SPTY2D1: variants seen among roughly 807,000 people sequenced by gnomAD.
SPTY2D1 encodes the protein protein SPT2 homolog.
SPTY2D1 carries 21 observed loss-of-function variants against 64.0 expected under a neutral mutation model. The observed-to-expected ratio is 0.33, with a 90% CI of 0.23 to 0.47. The LOEUF is 0.47. SPTY2D1 is among the 20% of genes least tolerant of loss of function. The probability of loss-of-function intolerance (pLI) is 1.00; values close to 1 mark genes in which losing one functional copy is unlikely to be tolerated. For synonymous variants in SPTY2D1, 287 were observed against 286.8 expected (o/e 1.00, Z -0.01); for missense variants, 724 against 837.2 (o/e 0.86, Z 1.67).
At chr11:18,626,248 A>G (rs1590405462) in intron 1 of SPTY2D1, among the ~76,000 whole-genome samples, 1 of 152,250 alleles carries the variant, frequency 6.6e-6, no homozygotes, top group South Asian at 2.1e-4. Flanking sequence ...CCAAACTTCT[A>G]TCTTATCCTC....
chr11:18,622,984 C>A (rs1425137935), intron 1 of SPTY2D1, among the ~76,000 whole-genome samples: 1 of 152,066 alleles, frequency 6.6e-6, no homozygotes, highest in East Asian at 1.9e-4. Context: ...ACAACAACAA[C>A]AACAACAACA....
rs1489993660 is a variant in SPTY2D1 at position 18,614,744 on chromosome 11, G to T, written c.1530C>A (p.Val510=). ...CCAAGCTGCTCACTGGTCTTCCTGGGACTGAATTACTGACAGTCCGTCCAG... is the reference window on the plus strand; with the variant it reads ...CCAAGCTGCTCACTGGTCTTCCTGGTACTGAATTACTGACAGTCCGTCCAG... The part of the protein sequence containing the change: ...IPAGRTVSNS[V]PGRPVSSLGP... The change falls in exon 3 of 6, where the codon GTC becomes GTA. Residue 510 remains valine, a synonymous_variant. Coordinates refer to ENST00000336349, the MANE Select transcript of SPTY2D1 (RefSeq NM_194285.3). 1 of 1,613,892 alleles carries T rather than the reference G, an allele frequency of 6.2e-7. No individual in the cohort carries two copies. The highest frequency in any genetic ancestry group is 1.7e-5 in the Admixed American group (1 of 60,010).
Position 18,614,841 on chromosome 11 carries a change from G to A in SPTY2D1, c.1433C>T (p.Pro478Leu). 6.2e-7 allele frequency: 1 copy of A among 1,613,668 alleles called. No homozygotes were observed. Among genetic ancestry groups the A allele is most frequent in the Non-Finnish European group, 8.5e-7 (1 of 1,179,750 alleles). Reference protein sequence around the residue: ...PVSSPHELRRPVSGLGPPGRS... With the variant: ...PVSSPHELRRLVSGLGPPGRS... Reference sequence around the variant, plus strand: ...CCCCGGGGGGCCCAAGCCACTCACTGGTCGTCGAAGTTCATGTGGACTGCT... The same window carrying A: ...CCCCGGGGGGCCCAAGCCACTCACTAGTCGTCGAAGTTCATGTGGACTGCT... The change falls in exon 3 of 6, where the codon CCA becomes CTA. Residue 478 changes from proline to leucine, a missense_variant. Pro to Leu is a moderately conservative substitution (Grantham distance 98, BLOSUM62 -3). Transcript: ENST00000336349.
rs1854139262 is a variant in SPTY2D1 at position 18,608,185 on chromosome 11, TAC to T, written c.*1674_*1675del. On this transcript the variant is annotated 3_prime_UTR_variant, in exon 6 of 6. Transcript: ENST00000336349. ...CCATTGTAACAGTTCTATATGTAGT[TAC>T]AAAGGGTGTTATTCCTAGTGATGAT... 6.6e-6 allele frequency: 1 copy of T among 152,614 alleles called. No individual in the cohort carries two copies. Among genetic ancestry groups the T allele is most frequent in the African/African-American group, 2.4e-5 (1 of 41,446 alleles). 9.5% of individuals were successfully genotyped at this position (152,614 alleles called of 1,614,324 possible).
In SPTY2D1 at chr11:18,611,158, G is replaced by C. The variant is rs530769562; in HGVS notation, c.1964+319C>G. On this transcript the variant is annotated intron_variant, in intron 5 of 5. Transcript: ENST00000336349. ...AAACAAAACAAACAAAAAAAACAGT[G>C]ATGGTCCAGTGCAGTGGCTCATGCC... 2.6e-5 allele frequency among the ~76,000 whole-genome samples: 4 copies of C among 152,184 alleles called. No homozygotes were observed. The East Asian group carries it at 7.7e-4, about 29-fold the overall frequency.
In SPTY2D1 at chr11:18,606,814, C is replaced by T. The variant is rs1355937266; in HGVS notation, c.*3047G>A. 3 of 370,056 alleles carry T rather than the reference C, an allele frequency of 8.1e-6. No homozygotes were observed. Among genetic ancestry groups the T allele is most frequent in the Non-Finnish European group, 1.5e-5 (3 of 196,456 alleles). 22.9% of individuals were successfully genotyped at this position (370,056 alleles called of 1,614,324 possible). On this transcript the variant is annotated 3_prime_UTR_variant, in exon 6 of 6. Coordinates refer to ENST00000336349, the MANE Select transcript of SPTY2D1 (RefSeq NM_194285.3). Reference sequence around the variant, plus strand: ...CAAAATACAAAACAACAATTTATTTCTTGGAGAAAATCTTGGGGATTACAT... The same window carrying T: ...CAAAATACAAAACAACAATTTATTTTTTGGAGAAAATCTTGGGGATTACAT...
rs1376068623 is a variant in SPTY2D1 at position 18,615,241 on chromosome 11, G to A, written c.1033C>T (p.Leu345=). ...GGCCTGGAATGGCTAGGATGGGACA[G>A]AGATTTTTTGGCTTTGTGCTCAACA... The part of the protein sequence containing the change: ...SAVEHKAKKS[L]SHPSHSRPGP... Residue 345 remains leucine (L), a synonymous_variant, in exon 3 of 6, where the codon CTG becomes TTG. Coordinates refer to ENST00000336349, the MANE Select transcript of SPTY2D1 (RefSeq NM_194285.3). The A allele has an allele frequency of 3.1e-6, 5 of 1,614,140 alleles. No homozygotes were observed. The African/African-American group carries it at 6.7e-5, about 22-fold the overall frequency.
Position 18,615,255 on chromosome 11 carries a change from T to C in SPTY2D1, c.1019A>G (p.Lys340Arg), listed in dbSNP as rs1239630793. The stretch of plus-strand genomic sequence containing the variant: ...AGGATGGGACAGAGATTTTTTGGCT[T>C]TGTGCTCAACAGCAGATTTCTGAGT... ...SRTQKSAVEH[K>R]AKKSLSHPSH... Residue 340 changes from lysine (K) to arginine (R), a missense_variant, in exon 3 of 6, where the codon AAA (lysine) becomes AGA (arginine). By Grantham distance (26) the Lys-to-Arg change is conservative. Coordinates refer to ENST00000336349, the MANE Select transcript of SPTY2D1 (RefSeq NM_194285.3). The C allele has an allele frequency of 4.3e-6, 7 of 1,614,092 alleles. No individual in the cohort carries two copies. In the Admixed American group the frequency reaches 1.2e-4, roughly 27 times the overall value.
chr11:18,622,038 G>A (rs1230936237), intron 1 of SPTY2D1, among the ~76,000 whole-genome samples: 1 of 129,988 alleles, frequency 7.7e-6, no homozygotes, highest in Non-Finnish European at 1.5e-5. Flanking sequence ...AGTGAGCCAT[G>A]GTTGTGCTAT....
chr11:18,624,858 C>T (rs571273972), intron 1 of SPTY2D1, among the ~76,000 whole-genome samples: 5 of 152,048 alleles, frequency 3.3e-5, no homozygotes, highest in Non-Finnish European at 7.4e-5. Flanking sequence ...ACTACCCAGG[C>T]GGGATGGCGC....
intron 1 of SPTY2D1, among the ~76,000 whole-genome samples, chr11:18,633,308 C>T (rs1355360401): frequency 6.6e-6 from 1 of 152,144 alleles, no homozygotes; most frequent in Non-Finnish European, 1.5e-5. Context: ...ACTTTGAGAG[C>T]CGTTTTAGTT....
Position 18,615,169 on chromosome 11 carries a change from T to C in SPTY2D1, c.1105A>G (p.Arg369Gly). 1 of 1,614,222 alleles carries C rather than the reference T, an allele frequency of 6.2e-7. No individual in the cohort carries two copies. Among genetic ancestry groups the C allele is most frequent in the Non-Finnish European group, 8.5e-7 (1 of 1,180,028 alleles). ...GAGCTAGAGCTGCTGCCTGGCTGCC[T>C]GACACCTGGACTCTTAGCCTTATTG... Reference protein sequence around the residue: ...PHNKAKSPGVRQPGSSSSSAP... With the variant: ...PHNKAKSPGVGQPGSSSSSAP... Residue 369 changes from arginine to glycine, a missense_variant, in exon 3 of 6, where the codon AGG (arginine) becomes GGG (glycine). By Grantham distance (125) the Arg-to-Gly change is moderately radical. This residue lies in a region of SPTY2D1 where 426 missense variants were observed against 431.8 expected (regional missense o/e 0.99). Coordinates refer to ENST00000336349, the MANE Select transcript of SPTY2D1 (RefSeq NM_194285.3).
rs768363568 is a variant in SPTY2D1, at chr11:18,609,899, T to TTTC, written c.2017_2019dup (p.Glu673dup). The TTTC allele has an allele frequency of 1.2e-6, 2 of 1,614,176 alleles. No homozygotes were observed. Among genetic ancestry groups the TTTC allele is most frequent in the South Asian group, 1.1e-5 (1 of 91,078 alleles). On this transcript the variant is annotated inframe_insertion, in exon 6 of 6. Coordinates refer to ENST00000336349, the MANE Select transcript of SPTY2D1 (RefSeq NM_194285.3). Reference sequence around the variant, plus strand: ...AGCTTCTTGGCCCTTCGACGTTGCATTTCTTCTTCTTCACGTCTCATTTCC... The same window carrying TTTC: ...AGCTTCTTGGCCCTTCGACGTTGCATTTCTTCTTCTTCTTCACGTCTCATTTCC...
intron 1 of SPTY2D1, among the ~76,000 whole-genome samples, chr11:18,624,258 T>C (rs1854462016): frequency 1.3e-5 from 2 of 150,926 alleles, no homozygotes; most frequent in African/African-American, 4.9e-5. Flanking sequence ...TTCTATTTAA[T>C]AACCCAGAAG....
intron 5 of SPTY2D1, 21 bp from the exon 6 acceptor site, chr11:18,609,975 G>A (rs763611388): frequency 1.2e-6 from 2 of 1,605,490 alleles, no homozygotes; most frequent in Non-Finnish European, 1.7e-6. Flanking sequence ...ATTTTTAAAG[G>A]GTATTTGTCA....
At position 18,616,464 on chromosome 11, in the gene SPTY2D1, C is replaced by T. The variant is rs184053894; in HGVS notation, c.176-366G>A. Among the ~76,000 whole-genome samples, 11 of 152,110 alleles carry T rather than the reference C, an allele frequency of 7.2e-5. No individual in the cohort carries two copies. The East Asian group carries it at 1.5e-3, about 21-fold the overall frequency. On this transcript the variant is annotated intron_variant, in intron 2 of 5. Transcript: ENST00000336349. ...TGTATTTGCATGAAGTAGAACTATT[C>T]GAAATAAAGACTTTAAAACTTATCT...
chr11:18,626,039 C>T (rs1308881229), intron 1 of SPTY2D1, among the ~76,000 whole-genome samples: 1 of 152,032 alleles, frequency 6.6e-6, no homozygotes, highest in Non-Finnish European at 1.5e-5. Flanking sequence ...AGGTTGGTCT[C>T]GAACGCCTGA....
chr11:18,620,207 G>T (rs1258817209), intron 1 of SPTY2D1, among the ~76,000 whole-genome samples: 1 of 152,178 alleles, frequency 6.6e-6, no homozygotes. Flanking sequence ...AGGTGCGGTG[G>T]TTCACGCCTG....
At position 18,614,817 on chromosome 11, in the gene SPTY2D1, C is replaced by A. The variant is rs540389189; in HGVS notation, c.1457G>T (p.Gly486Val). The A allele has an allele frequency of 2.6e-5, 42 of 1,613,344 alleles. 2 individuals are homozygous for A. The South Asian group carries it at 4.4e-4, about 17-fold the overall frequency. The change falls in exon 3 of 6, where the codon GGG becomes GTG. Residue 486 changes from glycine (G) to valine (V), a missense_variant. By Grantham distance (109) the Gly-to-Val change is moderately radical (BLOSUM62 -3). Coordinates refer to ENST00000336349, the MANE Select transcript of SPTY2D1 (RefSeq NM_194285.3). ...RRPVSGLGPP[G>V]RSVSGPGRSI... is the part of the protein sequence containing the mutation. The stretch of plus-strand genomic sequence containing the variant: ...TCTCCCAGGGCCACTGACAGACCGC[C>A]CCGGGGGGCCCAAGCCACTCACTGG...
Sources: allele counts gnomAD v4.1 joint callset (sites outside exome capture counted in the v4.1 genomes callset), GRCh38; gene constraint gnomAD v4.1.1; regional missense constraint gnomAD v4.1.1; transcripts MANE v1.5; gene names NCBI Gene and HGNC (gene_info 2026-07-23, HGNC 2026-07-21).